The following MINDY3 variants were observed in gnomAD, a reference collection of about 807,000 sequenced individuals.
MINDY3 encodes ubiquitin carboxyl-terminal hydrolase MINDY-3.
In MINDY3, 38 loss-of-function variants were observed where a neutral mutation model predicts 69.2. The ratio of observed to expected loss-of-function variants is 0.55; its 90% CI spans 0.42 to 0.72. The LOEUF is 0.72. Among genes scored for constraint, MINDY3 ranks in the 30% least tolerant of loss-of-function variants. MINDY3 has a pLI of 0.00. For synonymous variants in MINDY3, 192 were observed against 180.1 expected, an observed-to-expected ratio of 1.07 and a Z score of -0.53; for missense variants, 522 against 519.0, an observed-to-expected ratio of 1.01 and a Z score of -0.06.
chr10:15,821,557 A>T (rs1839763656), intron 9 of MINDY3, 99 bp downstream of exon 9: 3 of 854,692 alleles, frequency 3.5e-6, no homozygotes, highest in Non-Finnish European at 5.7e-6. Context: ...ACTGAACCAT[A>T]GTGCTGTGCT....
intron 3 of MINDY3, 81 bp from the exon 4 acceptor site, chr10:15,841,680 G>T: frequency 1.3e-6 from 1 of 781,600 alleles, no homozygotes; most frequent in Non-Finnish European, 1.9e-6. Context: ...TAGTAAGAAT[G>T]GGTTAATGAT....
intron 10 of MINDY3, among the ~76,000 whole-genome samples, chr10:15,800,594 G>GA (rs576872431): frequency 2.0e-4 from 31 of 151,748 alleles, no homozygotes; most frequent in African/African-American, 6.3e-4. Context: ...TGTAACTCTT[G>GA]AAAAAAAACC....
chr10:15,853,986 G>A (rs922256558), intron 1 of MINDY3, among the ~76,000 whole-genome samples: 2 of 152,012 alleles, frequency 1.3e-5, no homozygotes, highest in Non-Finnish European at 2.9e-5. Context: ...AGAAACAAAC[G>A]TGACTTCTGG....
In MINDY3 at chr10:15,786,621, A is replaced by G. The variant is rs762162882; in HGVS notation, c.1056T>C (p.Asp352=). The part of the protein sequence containing the change: ...EYINLMKNKL[D]PEGLGIILLG... Reference sequence around the variant, plus strand: ...ATAATATGATTCCTAATCCTTCTGGATCTAATTTATTCTTCATGAGATTTA... The same window carrying G: ...ATAATATGATTCCTAATCCTTCTGGGTCTAATTTATTCTTCATGAGATTTA... Residue 352 remains aspartate (D), a synonymous_variant, in exon 13 of 15, where the codon GAT becomes GAC. Coordinates refer to ENST00000277632, the MANE Select transcript of MINDY3 (RefSeq NM_024948.4). The G allele has an allele frequency of 6.3e-7, 1 of 1,593,800 alleles. No individual in the cohort carries two copies. Among genetic ancestry groups the G allele is most frequent in the Non-Finnish European group, 8.6e-7 (1 of 1,162,966 alleles).
intron 10 of MINDY3, among the ~76,000 whole-genome samples, chr10:15,803,050 G>A (rs548450159): frequency 6.6e-5 from 10 of 152,270 alleles, no homozygotes; most frequent in African/African-American, 2.4e-4. Flanking sequence ...CTTCTAAAGT[G>A]ATTACTGGCT....
chr10:15,856,373 T>A (rs781544497), intron 1 of MINDY3, among the ~76,000 whole-genome samples: 12 of 151,616 alleles, frequency 7.9e-5, no homozygotes, highest in Non-Finnish European at 1.8e-4. Flanking sequence ...AAAGCTCTAA[T>A]TTCAATCAAC....
chr10:15,797,430 T>G (rs183742641), intron 10 of MINDY3, among the ~76,000 whole-genome samples: 13 of 152,246 alleles, frequency 8.5e-5, no homozygotes, highest in Admixed American at 8.5e-4. Context: ...CCAACATTAT[T>G]TTGCTGATAA....
intron 10 of MINDY3, among the ~76,000 whole-genome samples, chr10:15,805,160 CTT>C (rs1370149813): frequency 2.0e-5 from 3 of 152,050 alleles, no homozygotes; most frequent in Non-Finnish European, 4.4e-5. Context: ...GACCAACTAA[CTT>C]TAACAAATCC....
chr10:15,794,905 A>C (rs1837689625), intron 11 of MINDY3, among the ~76,000 whole-genome samples: 1 of 152,064 alleles, frequency 6.6e-6, no homozygotes, highest in South Asian at 2.1e-4. Flanking sequence ...TCTGCTCTGA[A>C]GGCATTTTTT....
chr10:15,838,470 A>T (rs1478403361), intron 4 of MINDY3, among the ~76,000 whole-genome samples, 191 bp from the exon 5 acceptor site: 2 of 151,792 alleles, frequency 1.3e-5, no homozygotes, highest in Non-Finnish European at 3.0e-5. Context: ...GAATATAACT[A>T]AAATCGATAT....
intron 1 of MINDY3, among the ~76,000 whole-genome samples, chr10:15,857,100 T>C (rs1008535893): frequency 4.6e-5 from 7 of 152,230 alleles, no homozygotes; most frequent in Non-Finnish European, 8.8e-5. Flanking sequence ...AAGCTTTATA[T>C]GATTTGGGCC....
At chr10:15,791,130 A>G (rs1312230558) in intron 11 of MINDY3, among the ~76,000 whole-genome samples, 3 of 152,158 alleles carry the variant, frequency 2.0e-5, no homozygotes, top group African/African-American at 7.2e-5. Flanking sequence ...CATTTTGTAC[A>G]TTTAGTATTT....
intron 12 of MINDY3, 111 bp from the exon 13 acceptor site, chr10:15,786,759 A>C: frequency 1.5e-6 from 1 of 689,168 alleles, no homozygotes; most frequent in Non-Finnish European, 2.6e-6. Flanking sequence ...AAAAACACTA[A>C]GAGCTGTTCT....
intron 7 of MINDY3, among the ~76,000 whole-genome samples, chr10:15,834,263 T>A (rs2132059102): frequency 6.6e-6 from 1 of 151,898 alleles, no homozygotes; most frequent in Non-Finnish European, 1.5e-5. Context: ...AATGAATAAA[T>A]TTTCTCATTT....
intron 8 of MINDY3, among the ~76,000 whole-genome samples, chr10:15,829,499 G>C (rs1011959174): frequency 1.3e-5 from 2 of 152,178 alleles, no homozygotes; most frequent in Non-Finnish European, 2.9e-5. Flanking sequence ...TAAAGCACTG[G>C]ATTTGTGAAG....
intron 10 of MINDY3, among the ~76,000 whole-genome samples, chr10:15,807,616 ACT>A (rs750119849): frequency 1.4e-4 from 22 of 152,000 alleles, no homozygotes; most frequent in Non-Finnish European, 2.9e-4. Flanking sequence ...AATGATACTG[ACT>A]CTTAATTAAA....
intron 11 of MINDY3, among the ~76,000 whole-genome samples, chr10:15,792,901 A>T (rs905567793): frequency 1.3e-5 from 2 of 152,012 alleles, no homozygotes; most frequent in South Asian, 2.1e-4. Context: ...CACATTTTTT[A>T]AAAAAACAAC....
intron 1 of MINDY3, among the ~76,000 whole-genome samples, chr10:15,849,161 C>G (rs1834087421): frequency 6.6e-6 from 1 of 152,190 alleles, no homozygotes; most frequent in Non-Finnish European, 1.5e-5. Flanking sequence ...TAACAGATAA[C>G]TTCCAGGCTC....
intron 11 of MINDY3, among the ~76,000 whole-genome samples, chr10:15,795,574 G>A (rs1486984190): frequency 6.6e-6 from 1 of 151,982 alleles, no homozygotes; most frequent in Admixed American, 6.6e-5. Context: ...AAACACAAAA[G>A]TGATCAAAAC....
Sources: gnomAD v4.1 joint callset for allele counts (sites outside exome capture counted in the v4.1 genomes callset) on GRCh38, gnomAD v4.1.1 for gene constraint, MANE v1.5 for transcripts, NCBI Gene and HGNC (gene_info 2026-07-23, HGNC 2026-07-21) for gene names.